Variants in TRMO observed in about 807,000 individuals in gnomAD.
The protein encoded by TRMO is tRNA (adenine(37)-N6)-methyltransferase.
TRMO carries 30 observed loss-of-function variants against 37.2 expected under a neutral mutation model. The ratio of observed to expected loss-of-function variants is 0.81; its 90% CI spans 0.60 to 1.09. TRMO has a LOEUF of 1.09. Among genes scored for constraint, TRMO ranks in the 50% least tolerant of loss-of-function variants. The pLI is 0.00. For missense variants in TRMO, 552 were observed against 549.5 expected, an observed-to-expected ratio of 1.00 and a Z score of -0.05; for synonymous variants, 239 against 199.4, an observed-to-expected ratio of 1.20 and a Z score of -1.67.
chr9:97,901,959 T>C (rs985055213), downstream of TRMO, among the ~76,000 whole-genome samples: 17 of 152,136 alleles, frequency 1.1e-4, no homozygotes, highest in African/African-American at 4.1e-4. Context: ...CAAGAAAGCC[T>C]GGGGTTCAGA....
Position 97,909,969 on chromosome 9 carries a change from T to G in TRMO, c.1057A>C (p.Ser353Arg). 6.5e-7 allele frequency: 1 copy of G among 1,530,600 alleles called. No homozygotes were observed. Among genetic ancestry groups the G allele is most frequent in the South Asian group, 1.3e-5 (1 of 78,024 alleles). 94.8% of individuals were successfully genotyped at this position (1,530,600 alleles called of 1,614,324 possible). A position where few individuals can be genotyped will look rare whatever the true frequency, so the allele number is the denominator to read the frequency against. ...AAGAAACTGAAGATACCTTGTGAAC[T>G]GAGCTGCCCAAGGTCCATCTCGGCA... is the stretch of plus-strand genomic sequence containing the variant. ...PHAEMDLGQL[S>R]SQDVGQASFK... is the part of the protein sequence containing the mutation. The change falls in exon 4 of 5, where the codon AGT (serine) becomes CGT (arginine). Residue 353 changes from serine to arginine, a missense_variant. Ser to Arg is a moderately radical substitution (Grantham distance 110, BLOSUM62 -1). Coordinates refer to ENST00000375119, the MANE Select transcript of TRMO (RefSeq NM_016481.5).
intron 4 of TRMO, among the ~76,000 whole-genome samples, chr9:97,908,628 G>A (rs1423105225): frequency 6.6e-6 from 1 of 152,028 alleles, no homozygotes; most frequent in Non-Finnish European, 1.5e-5. Flanking sequence ...CAAGCCTGCT[G>A]TATTCTTAAA....
Position 97,910,136 on chromosome 9 carries a change from A to G in TRMO, c.890T>C (p.Val297Ala). 1 of 1,614,022 alleles carries G rather than the reference A, an allele frequency of 6.2e-7. No homozygotes were observed. Among genetic ancestry groups the G allele is most frequent in the Non-Finnish European group, 8.5e-7 (1 of 1,179,994 alleles). The change falls in exon 4 of 5, where the codon GTC (valine) becomes GCC (alanine). Residue 297 changes from valine (V) to alanine (A), a missense_variant. Physicochemically the swap from Val to Ala is moderately conservative, Grantham distance 64. Transcript: ENST00000375119. Reference protein sequence around the residue: ...KKLERVEGAAVLQGSRAETQP... With the variant: ...KKLERVEGAAALQGSRAETQP... Reference sequence around the variant, plus strand: ...TGTCTCTGCCCTGCTTCCTTGCAAGACTGCTGCTCCTTCCACTCTTTCTAG... The same window carrying G: ...TGTCTCTGCCCTGCTTCCTTGCAAGGCTGCTGCTCCTTCCACTCTTTCTAG...
rs1466110489 is a variant in TRMO, at chr9:97,915,287, A to G, written c.251+877T>C. On this transcript the variant is annotated intron_variant, in intron 2 of 4. Coordinates refer to ENST00000375119, the MANE Select transcript of TRMO (RefSeq NM_016481.5). ...CTTTTAGGAGTATACTTAATTCTAC[A>G]TGAGTCTAGAGCAGGATCTGCAAAC... 2.0e-5 allele frequency among the ~76,000 whole-genome samples: 3 copies of G among 152,308 alleles called. No individual in the cohort carries two copies. In the East Asian group the frequency reaches 5.8e-4, roughly 29 times the overall value.
At chr9:97,912,307 T>C (rs1826162331) in intron 3 of TRMO, 1 of 152,766 alleles carries the variant, frequency 6.5e-6, no homozygotes, top group Non-Finnish European at 1.5e-5. Context: ...TTAAGTTCTT[T>C]AGGGCATGGA....
At chr9:97,899,328 T>C in the TRMO span, among the ~76,000 whole-genome samples, 1 of 152,106 alleles carries the variant, frequency 6.6e-6, no homozygotes, top group African/African-American at 2.4e-5. Context: ...GGAAGATGTT[T>C]TGTGGGGTAA....
chr9:97,917,184 G>A (rs1257622798), intron 1 of TRMO, among the ~76,000 whole-genome samples: 8 of 152,186 alleles, frequency 5.3e-5, no homozygotes, highest in African/African-American at 1.7e-4. Context: ...TGATTGGCTG[G>A]AGTATGAAAT....
At chr9:97,922,293 G>C (rs1016177334) in intron 1 of TRMO, 125 bp downstream of exon 1, 2 of 684,086 alleles carry the variant, frequency 2.9e-6, no homozygotes, top group Admixed American at 5.4e-5. Flanking sequence ...CCGTGCCTTC[G>C]CCGTAGGTAA....
rs532043072 is a variant in TRMO, at chr9:97,921,633, C to G, written c.76+785G>C. On this transcript the variant is annotated intron_variant, in intron 1 of 4. Coordinates refer to ENST00000375119, the MANE Select transcript of TRMO (RefSeq NM_016481.5). ...TAGAGACGAGGTTTCACCGTGTTAG[C>G]CAGGATGGTCTCGATCTCCTGACCT... Among the ~76,000 whole-genome samples, 9 of 152,130 alleles carry G rather than the reference C, an allele frequency of 5.9e-5. No homozygotes were observed. The South Asian group carries it at 1.9e-3, about 32-fold the overall frequency.
At chr9:97,922,025 T>C (rs949521509) in intron 1 of TRMO, among the ~76,000 whole-genome samples, 6 of 152,112 alleles carry the variant, frequency 3.9e-5, no homozygotes, top group Non-Finnish European at 5.9e-5. Flanking sequence ...CCCAGAAACT[T>C]TCCCCCTTCT....
downstream of TRMO, among the ~76,000 whole-genome samples, chr9:97,901,318 C>T (rs983022902): frequency 5.3e-5 from 8 of 152,176 alleles, no homozygotes; most frequent in African/African-American, 1.7e-4. Context: ...TGACACAATC[C>T]CTTTTCCAAA....
At chr9:97,921,269 C>A (rs537995588) in intron 1 of TRMO, among the ~76,000 whole-genome samples, 1 of 152,138 alleles carries the variant, frequency 6.6e-6, no homozygotes, top group African/African-American at 2.4e-5. Flanking sequence ...TAAAACAAAG[C>A]GTTAGGCTGG....
At chr9:97,900,782 A>C, downstream of TRMO, 1 of 970,394 alleles carries the variant, frequency 1.0e-6, no homozygotes, top group Non-Finnish European at 1.2e-6. Flanking sequence ...CTGGGACTGT[A>C]GCATTTTAAA....
At chr9:97,920,468 T>C (rs1252002658) in intron 1 of TRMO, among the ~76,000 whole-genome samples, 1 of 152,152 alleles carries the variant, frequency 6.6e-6, no homozygotes, top group Non-Finnish European at 1.5e-5. Context: ...TCTGAATCCG[T>C]TTTCTCATCT....
chr9:97,916,129 C>G (rs777708826), intron 2 of TRMO, 35 bp downstream of exon 2: 73 of 1,531,478 alleles, frequency 4.8e-5, no homozygotes, highest in Non-Finnish European at 6.0e-5. Context: ...CAAGTTCTGG[C>G]CCAAAATCCT....
chr9:97,913,704 G>A, intron 2 of TRMO, 146 bp from the exon 3 acceptor site: 2 of 603,004 alleles, frequency 3.3e-6, no homozygotes, highest in Non-Finnish European at 5.8e-6. Flanking sequence ...CATCTGGTAG[G>A]AAGAAAATAA....
chr9:97,918,726 G>GT (rs1826484478), intron 1 of TRMO, among the ~76,000 whole-genome samples: 1 of 152,072 alleles, frequency 6.6e-6, no homozygotes, highest in South Asian at 2.1e-4. Context: ...CAACATACAT[G>GT]TAAGTTATAC....
chr9:97,906,151 G>A, intron 4 of TRMO, among the ~76,000 whole-genome samples: 1 of 109,504 alleles, frequency 9.1e-6, no homozygotes, highest in Admixed American at 9.6e-5. Flanking sequence ...GAAAGAGACT[G>A]TATCTCAAAA....
intron 1 of TRMO, among the ~76,000 whole-genome samples, chr9:97,919,285 T>A (rs1826512705): frequency 1.3e-5 from 2 of 151,948 alleles, no homozygotes; most frequent in African/African-American, 4.8e-5. Flanking sequence ...TGTCTTCTTT[T>A]CATTTGTTCA....
Sources: gnomAD v4.1 joint callset for allele counts (sites outside exome capture counted in the v4.1 genomes callset) on GRCh38, gnomAD v4.1.1 for gene constraint, MANE v1.5 for transcripts, NCBI Gene and HGNC (gene_info 2026-07-23, HGNC 2026-07-21) for gene names.